Variants in FETUB observed in about 807,000 individuals in gnomAD.
FETUB encodes fetuin B.
Under a neutral mutation model 30.9 loss-of-function variants are expected in FETUB, and 28 were observed. That is an observed-to-expected ratio of 0.90 (90% CI 0.67 to 1.24). FETUB has a LOEUF of 1.24. Among genes scored for constraint, FETUB ranks in the 50% most tolerant of loss-of-function variants. FETUB has a pLI of 0.00. For synonymous variants in FETUB, 186 were observed against 175.9 expected (o/e 1.06, Z -0.45); for missense variants, 469 against 455.3 (o/e 1.03, Z -0.27).
At chr3:186,644,274 C>T (rs1027435672) in intron 3 of FETUB, among the ~76,000 whole-genome samples, 19 of 152,272 alleles carry the variant, frequency 1.2e-4, no homozygotes, top group African/African-American at 4.1e-4. Context: ...TCTAACCAAA[C>T]GGGGTGCGCT....
chr3:186,646,434 T>TC, intron 5 of FETUB, 85 bp downstream of exon 5: 2 of 1,003,150 alleles, frequency 2.0e-6, no homozygotes, highest in Non-Finnish European at 3.1e-6. Flanking sequence ...ATATGAGGTG[T>TC]CATAAGGCAT....
chr3:186,639,568 GT>G (rs1198503002), upstream of FETUB, among the ~76,000 whole-genome samples: 2 of 146,856 alleles, frequency 1.4e-5, no homozygotes. Context: ...GCTGATATGT[GT>G]TTTTTGTTGA....
At position 186,651,378 on chromosome 3, in the gene FETUB, C is replaced by T. The variant is rs1026354328; in HGVS notation, c.780+77C>T. ...ATAGTTACCTGCCACTACCTTACCC[C>T]CTCCTTTGATTTTCCCAACCACCTT... On this transcript the variant is annotated intron_variant, in intron 6 of 6. Transcript: ENST00000265029. The T allele has an allele frequency of 6.7e-5, 65 of 973,774 alleles. No individual in the cohort carries two copies. The Admixed American group carries it at 9.7e-4, about 15-fold the overall frequency. 60.3% of individuals were successfully genotyped at this position (973,774 alleles called of 1,614,324 possible).
upstream of FETUB, among the ~76,000 whole-genome samples, chr3:186,638,069 G>C (rs1015689638): frequency 4.6e-5 from 7 of 152,124 alleles, no homozygotes; most frequent in African/African-American, 1.7e-4. Context: ...ATAATATTTT[G>C]GATTGACAGG....
rs200214885 is a variant in FETUB at position 186,640,492 on chromosome 3, T to C, written c.32T>C (p.Ile11Thr). The stretch of plus-strand genomic sequence containing the variant: ...CTGCTCCTTCCCCTGGCACTCTGCA[T>C]CCTAGTCCTGTGCTGCGGAGCAATG... MGLLLPLALCILVLCCGAMSP... is the reference protein window; with the variant it reads MGLLLPLALCTLVLCCGAMSP... Residue 11 changes from isoleucine (I) to threonine (T), a missense_variant, in exon 1 of 7, where the codon ATC becomes ACC. By Grantham distance (89) the Ile-to-Thr change is moderately conservative. Coordinates refer to ENST00000265029, the MANE Select transcript of FETUB (RefSeq NM_014375.3). The C allele has an allele frequency of 5.6e-6, 9 of 1,614,186 alleles. No homozygotes were observed. The highest frequency in any genetic ancestry group is 1.1e-5 in the South Asian group (1 of 91,078).
chr3:186,640,892 T>A, intron 1 of FETUB, 138 bp from the exon 2 acceptor site: 1 of 673,660 alleles, frequency 1.5e-6, no homozygotes, highest in Non-Finnish European at 2.6e-6. Context: ...CTCTGACACT[T>A]GTGTCAGATT....
chr3:186,652,546 T>C lies in FETUB; in HGVS notation c.1064T>C (p.Val355Ala). 1 of 1,614,056 alleles carries C rather than the reference T, an allele frequency of 6.2e-7. No homozygotes were observed. The highest frequency in any genetic ancestry group is 8.5e-7 in the Non-Finnish European group (1 of 1,180,000). ...GAGCCTATGGAGGAGAAGCTGGTGG[T>C]CCTGCCTTTCCCCAAAGAAAAAGCA... ...FLEPMEEKLV[V>A]LPFPKEKART... Residue 355 changes from valine (V) to alanine (A), a missense_variant, in exon 7 of 7, where the codon GTC (valine) becomes GCC (alanine). Transcript: ENST00000265029.
Position 186,644,839 on chromosome 3 carries a change from C to T in FETUB, c.513C>T (p.Ala171=), listed in dbSNP as rs1401427549. 1 of 1,613,896 alleles carries T rather than the reference C, an allele frequency of 6.2e-7. No homozygotes were observed. Among genetic ancestry groups the T allele is most frequent in the South Asian group, 1.1e-5 (1 of 91,058 alleles). The stretch of plus-strand genomic sequence containing the variant: ...CCAATCACCAAGTGCTGGAGGCTGC[C>T]ACCGAGTCTCTTGCGAAATACAACA... The part of the protein sequence containing the change: ...DSSNHQVLEA[A]TESLAKYNNE... Residue 171 remains alanine, a synonymous_variant, in exon 4 of 7, where the codon GCC becomes GCT. Coordinates refer to ENST00000265029, the MANE Select transcript of FETUB (RefSeq NM_014375.3).
Position 186,651,215 on chromosome 3 carries a change from T to C in FETUB, c.697-3T>C. 1 of 1,605,084 alleles carries C rather than the reference T, an allele frequency of 6.2e-7. No individual in the cohort carries two copies. Among genetic ancestry groups the C allele is most frequent in the Non-Finnish European group, 8.5e-7 (1 of 1,171,830 alleles). On this transcript the variant is annotated splice_polypyrimidine_tract_variant and splice_region_variant and intron_variant, in intron 5 of 6. Coordinates refer to ENST00000265029, the MANE Select transcript of FETUB (RefSeq NM_014375.3). The stretch of plus-strand genomic sequence containing the variant: ...TCACATGACATTGTATTTTCTCTTT[T>C]AGCCTGTTGGTCTTTGCAAAGGTTC...
chr3:186,644,465 T>G (rs910980465), intron 3 of FETUB, among the ~76,000 whole-genome samples: 1 of 152,204 alleles, frequency 6.6e-6, no homozygotes, highest in Non-Finnish European at 1.5e-5. Flanking sequence ...GAAAAGATAG[T>G]GAACTAGTTG....
chr3:186,642,560 T>G lies in FETUB; in HGVS notation c.424+2T>G, dbSNP rs147011769. ...CTTATAACTGTACTCTTCGCCCAGG[T>G]AAGAAATCACTACGATTTTGTTAGT... On this transcript the variant is annotated splice_donor_variant, in intron 3 of 6. Transcript: ENST00000265029. LOFTEE classifies it high-confidence loss of function. 256 of 1,563,332 alleles carry G rather than the reference T, an allele frequency of 1.6e-4. No individual in the cohort carries two copies. In the African/African-American group the frequency reaches 3.0e-3, roughly 18 times the overall value.
chr3:186,640,813 G>A (rs966303513), intron 1 of FETUB, 128 bp downstream of exon 1: 1 of 799,828 alleles, frequency 1.3e-6, no homozygotes, highest in Non-Finnish European at 2.1e-6. Flanking sequence ...AGAACTCTCT[G>A]TTCTCCTCTG....
intron 6 of FETUB, chr3:186,651,920 C>T (rs368356758): frequency 5.4e-6 from 1 of 184,046 alleles, no homozygotes; most frequent in Non-Finnish European, 1.1e-5. Flanking sequence ...TGTACAAGGC[C>T]TGGTGCAGAA....
At chr3:186,645,977 G>A (rs374435545) in intron 4 of FETUB, among the ~76,000 whole-genome samples, 12 of 152,014 alleles carry the variant, frequency 7.9e-5, no homozygotes, top group Non-Finnish European at 1.2e-4. Context: ...CGCCCGCCTC[G>A]GCCTCCCAAA....
chr3:186,645,851 C>T (rs1003786119), intron 4 of FETUB, among the ~76,000 whole-genome samples: 6 of 151,382 alleles, frequency 4.0e-5, no homozygotes, highest in Admixed American at 1.3e-4. Context: ...CTCTGCCTCC[C>T]GAGTAGCTGG....
At chr3:186,644,695 A>T in intron 3 of FETUB, 56 bp from the exon 4 acceptor site, 1 of 1,400,444 alleles carries the variant, frequency 7.1e-7, no homozygotes, top group Non-Finnish European at 9.8e-7. Context: ...CTTTACAGTC[A>T]TATGATTTAT....
At chr3:186,642,319 T>G (rs763051471) in intron 2 of FETUB, 152 bp from the exon 3 acceptor site, 68 of 603,730 alleles carry the variant, frequency 1.1e-4, no homozygotes, top group Non-Finnish European at 1.8e-4. Flanking sequence ...AACAGTTTGA[T>G]CATCAACTGC....
Position 186,644,802 on chromosome 3 carries a change from C to G in FETUB, c.476C>G (p.Pro159Arg). 1 of 1,613,746 alleles carries G rather than the reference C, an allele frequency of 6.2e-7. No homozygotes were observed. The highest frequency in any genetic ancestry group is 1.1e-5 in the South Asian group (1 of 91,032). ...TGCCCTGACTGCCCAAGCTCCATACCCACTGACTCTTCCAATCACCAAGTG... is the reference window on the plus strand; with the variant it reads ...TGCCCTGACTGCCCAAGCTCCATACGCACTGACTCTTCCAATCACCAAGTG... The part of the protein sequence containing the change: ...MTCPDCPSSI[P>R]TDSSNHQVLE... The change falls in exon 4 of 7, where the codon CCC becomes CGC. Residue 159 changes from proline to arginine, a missense_variant. Coordinates refer to ENST00000265029, the MANE Select transcript of FETUB (RefSeq NM_014375.3).
rs747861362 is a variant in FETUB, at chr3:186,641,117, G to A, written c.313G>A (p.Gly105Arg). ...VLRKKAWQDC[G>R]MRIFFESVYG... Reference sequence around the variant, plus strand: ...CAGAAAGAAGGCATGGCAAGACTGTGGAATGAGGATATTTTTTGAATCAGT... The same window carrying A: ...CAGAAAGAAGGCATGGCAAGACTGTAGAATGAGGATATTTTTTGAATCAGT... The change falls in exon 2 of 7, where the codon GGA becomes AGA. Residue 105 changes from glycine to arginine, a missense_variant. Gly to Arg is a moderately radical substitution (Grantham distance 125). Coordinates refer to ENST00000265029, the MANE Select transcript of FETUB (RefSeq NM_014375.3). The A allele has an allele frequency of 7.4e-6, 12 of 1,612,574 alleles. No individual in the cohort carries two copies. The Middle Eastern group carries it at 4.9e-4, about 67-fold the overall frequency.
Sources: gnomAD v4.1 joint callset for allele counts (sites outside exome capture counted in the v4.1 genomes callset) on GRCh38, gnomAD v4.1.1 for gene constraint, MANE v1.5 for transcripts, NCBI Gene and HGNC (gene_info 2026-07-23, HGNC 2026-07-21) for gene names.